The following IMMP2L variants were observed in gnomAD, a reference collection of about 807,000 sequenced individuals.
IMMP2L encodes inner mitochondrial membrane peptidase subunit 2.
A neutral mutation model predicts 19.3 loss-of-function variants in IMMP2L; 18 were observed. The ratio of observed to expected loss-of-function variants is 0.93; its 90% CI spans 0.64 to 1.38. The LOEUF is 1.38. IMMP2L is among the 40% of genes most tolerant of loss of function. IMMP2L has a pLI of 0.00. For missense variants in IMMP2L, 233 were observed against 218.2 expected (o/e 1.07, Z -0.43); for synonymous variants, 76 against 73.0 (o/e 1.04, Z -0.21).
intron 3 of IMMP2L, among the ~76,000 whole-genome samples, chr7:111,195,260 A>G (rs2129613974): frequency 6.6e-6 from 1 of 152,258 alleles, no homozygotes; most frequent in African/African-American, 2.4e-5. Context: ...AGAAACCTAA[A>G]TCCCATTAAT....
intron 5 of IMMP2L, among the ~76,000 whole-genome samples, chr7:110,665,988 A>T (rs1004600218): frequency 1.3e-5 from 2 of 150,454 alleles, no homozygotes; most frequent in African/African-American, 2.5e-5. Context: ...TTGTTCTCTT[A>T]AAAAAAAAGT....
chr7:111,521,179 A>T (rs1846292523), intron 2 of IMMP2L, 134 bp downstream of exon 2: 1 of 921,340 alleles, frequency 1.1e-6, no homozygotes, highest in East Asian at 2.4e-5. Context: ...AATTCAGTAA[A>T]GTAAAATTTC....
At chr7:111,031,768 C>T (rs1790848136) in intron 3 of IMMP2L, among the ~76,000 whole-genome samples, 1 of 152,010 alleles carries the variant, frequency 6.6e-6, no homozygotes, top group South Asian at 2.1e-4. Flanking sequence ...AAAATAATAA[C>T]TTTACAGTGC....
chr7:111,440,751 C>G (rs1837631456), intron 3 of IMMP2L, among the ~76,000 whole-genome samples: 1 of 151,888 alleles, frequency 6.6e-6, no homozygotes, highest in Non-Finnish European at 1.5e-5. Context: ...ACTGACCTCT[C>G]CTCTGTAGCT....
chr7:111,371,707 A>C (rs1472759212), intron 3 of IMMP2L, among the ~76,000 whole-genome samples: 1 of 151,948 alleles, frequency 6.6e-6, no homozygotes, highest in East Asian at 1.9e-4. Context: ...AAGTAAAGTA[A>C]ACACTGGCAA....
intron 5 of IMMP2L, among the ~76,000 whole-genome samples, chr7:110,785,512 G>C (rs1201541611): frequency 1.3e-5 from 2 of 151,800 alleles, no homozygotes; most frequent in African/African-American, 4.8e-5. Context: ...CTAAGGCACT[G>C]GACTTCCCAT....
At chr7:111,039,716 A>G (rs904733941) in intron 3 of IMMP2L, among the ~76,000 whole-genome samples, 1 of 152,216 alleles carries the variant, frequency 6.6e-6, no homozygotes, top group Non-Finnish European at 1.5e-5. Context: ...TCACAAAAAT[A>G]TGAAACTCAA....
At chr7:111,541,775 G>C (rs1011784912) in intron 1 of IMMP2L, among the ~76,000 whole-genome samples, 4 of 152,026 alleles carry the variant, frequency 2.6e-5, no homozygotes, top group Admixed American at 2.0e-4. Flanking sequence ...ATATCTACCA[G>C]TTTTGAAAAA....
At chr7:111,331,154 T>A (rs911845357) in intron 3 of IMMP2L, among the ~76,000 whole-genome samples, 1 of 151,874 alleles carries the variant, frequency 6.6e-6, no homozygotes, top group Non-Finnish European at 1.5e-5. Flanking sequence ...CTATTCACCA[T>A]CGCTAAGTTA....
chr7:110,912,742 G>A (rs1026528532), intron 4 of IMMP2L, among the ~76,000 whole-genome samples: 2 of 152,022 alleles, frequency 1.3e-5, no homozygotes, highest in Admixed American at 6.6e-5. Flanking sequence ...CAGTGGCTTC[G>A]TGAAAAGTAG....
intron 3 of IMMP2L, among the ~76,000 whole-genome samples, chr7:111,387,639 C>G (rs1016526988): frequency 6.6e-6 from 1 of 152,094 alleles, no homozygotes; most frequent in African/African-American, 2.4e-5. Context: ...AAGCTAAGCA[C>G]TAAAGTTCTG....
At chr7:110,736,981 C>T (rs185472194) in intron 5 of IMMP2L, among the ~76,000 whole-genome samples, 9 of 152,090 alleles carry the variant, frequency 5.9e-5, no homozygotes, top group East Asian at 1.9e-4. Context: ...GGATCAGGGG[C>T]GGAATGCTAC....
intron 3 of IMMP2L, among the ~76,000 whole-genome samples, chr7:111,340,799 T>G (rs529924156): frequency 7.6e-4 from 116 of 152,250 alleles, no homozygotes; most frequent in Middle Eastern, 3.4e-3. Context: ...GAACCTCACC[T>G]GCACAATGGT....
intron 3 of IMMP2L, among the ~76,000 whole-genome samples, chr7:111,229,265 T>C (rs1020108610): frequency 2.6e-5 from 4 of 151,990 alleles, no homozygotes; most frequent in East Asian, 1.9e-4. Context: ...CAATTTCCCT[T>C]TGAAAGGAAA....
intron 3 of IMMP2L, among the ~76,000 whole-genome samples, chr7:111,112,159 G>C (rs1799313085): frequency 6.6e-6 from 1 of 151,526 alleles, no homozygotes; most frequent in Non-Finnish European, 1.5e-5. Flanking sequence ...GCAGAGACTG[G>C]GTTTCGCCAT....
chr7:111,493,836 G>A (rs1272256960), intron 2 of IMMP2L, among the ~76,000 whole-genome samples: 4 of 150,584 alleles, frequency 2.7e-5, no homozygotes, highest in Non-Finnish European at 5.9e-5. Flanking sequence ...GTGAAACCCC[G>A]TCTCTGCCAA....
chr7:111,087,668 GA>G (rs1796472782), intron 3 of IMMP2L, among the ~76,000 whole-genome samples: 1 of 151,908 alleles, frequency 6.6e-6, no homozygotes, highest in Admixed American at 6.6e-5. Context: ...CTCCCTCTAG[GA>G]GAATCTTATA....
At chr7:111,063,640 C>T (rs980005184) in intron 3 of IMMP2L, among the ~76,000 whole-genome samples, 1 of 152,184 alleles carries the variant, frequency 6.6e-6, no homozygotes, top group Admixed American at 6.5e-5. Flanking sequence ...CCCAAATCAT[C>T]TCTTGAATGC....
At chr7:110,702,234 C>T (rs971249167) in intron 5 of IMMP2L, among the ~76,000 whole-genome samples, 3 of 151,936 alleles carry the variant, frequency 2.0e-5, no homozygotes, top group Non-Finnish European at 4.4e-5. Flanking sequence ...TACACTTGGC[C>T]CCTGAATGGT....
Sources: gnomAD v4.1 joint callset for allele counts (sites outside exome capture counted in the v4.1 genomes callset) on GRCh38, gnomAD v4.1.1 for gene constraint, MANE v1.5 for transcripts, NCBI Gene and HGNC (gene_info 2026-07-23, HGNC 2026-07-21) for gene names.